The following ST8SIA6 variants were observed in gnomAD, a reference collection of about 807,000 sequenced individuals.
ST8SIA6 encodes alpha-2,8-sialyltransferase 8F.
ST8SIA6 carries 39 observed loss-of-function variants against 33.6 expected under a neutral mutation model. The ratio of observed to expected loss-of-function variants is 1.16; its 90% CI spans 0.90 to 1.52. The LOEUF (loss-of-function observed/expected upper bound fraction) is 1.52, where lower values mean the gene tolerates loss of function less well. Among genes scored for constraint, ST8SIA6 ranks in the 40% most tolerant of loss-of-function variants. ST8SIA6 has a pLI of 0.00. For missense variants in ST8SIA6, 441 were observed against 443.8 expected, an observed-to-expected ratio of 0.99 and a Z score of 0.06; for synonymous variants, 172 against 167.2, an observed-to-expected ratio of 1.03 and a Z score of -0.22.
At position 17,392,911 on chromosome 10, in the gene ST8SIA6, G is replaced by A. The variant is rs558039290; in HGVS notation, c.201-2291C>T. Among the ~76,000 whole-genome samples, 4 of 152,304 alleles carry A rather than the reference G, an allele frequency of 2.6e-5. No individual in the cohort carries two copies. In the South Asian group the frequency reaches 8.3e-4, roughly 32 times the overall value. ...TCTGTGTCAACTTGATTGGGCAAAG[G>A]GGTGCCCAGATAACTGGTAAAACAT... On this transcript the variant is annotated intron_variant, in intron 2 of 7. Coordinates refer to ENST00000377602, the MANE Select transcript of ST8SIA6 (RefSeq NM_001004470.3).
At chr10:17,354,204 G>T (rs1849121835) in intron 4 of ST8SIA6, among the ~76,000 whole-genome samples, 1 of 152,112 alleles carries the variant, frequency 6.6e-6, no homozygotes, top group Non-Finnish European at 1.5e-5. Flanking sequence ...GGGGAAGGAG[G>T]ACTAGAGGGC....
intron 6 of ST8SIA6, among the ~76,000 whole-genome samples, chr10:17,325,271 A>C (rs1271757305): frequency 6.9e-6 from 1 of 144,904 alleles, no homozygotes; most frequent in Non-Finnish European, 1.5e-5. Flanking sequence ...ATACTATACA[A>C]TGTACAATAT....
At chr10:17,355,452 T>C (rs1036739057) in intron 4 of ST8SIA6, among the ~76,000 whole-genome samples, 9 of 152,180 alleles carry the variant, frequency 5.9e-5, no homozygotes, top group Admixed American at 2.6e-4. Flanking sequence ...ATCTATGAGA[T>C]AGGCACTGGA....
In ST8SIA6 at chr10:17,336,854, A is replaced by G. The variant is rs1848515681; in HGVS notation, c.378-5302T>C. 2.6e-5 allele frequency among the ~76,000 whole-genome samples: 4 copies of G among 152,062 alleles called. No homozygotes were observed. In the South Asian group the frequency reaches 8.3e-4, roughly 32 times the overall value. ...GTTGATCCACCCCCCTCGGCCTCCA[A>G]AAGTGCTGGGATTACACGTGTGAGC... On this transcript the variant is annotated intron_variant, in intron 4 of 7. Transcript: ENST00000377602.
At position 17,390,580 on chromosome 10, in the gene ST8SIA6, A is replaced by G. The variant is rs769215016; in HGVS notation, c.241T>C (p.Cys81Arg). 3.1e-6 allele frequency: 5 copies of G among 1,613,916 alleles called. No homozygotes were observed. The African/African-American group carries it at 6.7e-5, about 22-fold the overall frequency. Residue 81 changes from cysteine to arginine, a missense_variant, in exon 3 of 8, where the codon TGC becomes CGC. Coordinates refer to ENST00000377602, the MANE Select transcript of ST8SIA6 (RefSeq NM_001004470.3). Reference protein sequence around the residue: ...NEKSLQLTEKCKNLQYGIESF... With the variant: ...NEKSLQLTEKRKNLQYGIESF... ...TCAATGCCATATTGCAGATTTTTGCATTTCTCCGTCAGTTGGAGCGACTTC... is the reference window on the plus strand; with the variant it reads ...TCAATGCCATATTGCAGATTTTTGCGTTTCTCCGTCAGTTGGAGCGACTTC...
intron 3 of ST8SIA6, among the ~76,000 whole-genome samples, chr10:17,389,680 T>A (rs991866521): frequency 3.3e-5 from 5 of 152,102 alleles, no homozygotes; most frequent in Admixed American, 2.6e-4. Flanking sequence ...GGGGGGTAAA[T>A]CGTTCACCTG....
chr10:17,410,733 A>G (rs1336287372), intron 2 of ST8SIA6: 1 of 152,160 alleles, frequency 6.6e-6, no homozygotes, highest in Non-Finnish European at 1.5e-5. Flanking sequence ...AAGACACTAG[A>G]AAAAAATCAC....
chr10:17,368,319 A>T (rs1251133026), intron 3 of ST8SIA6, among the ~76,000 whole-genome samples: 1 of 139,650 alleles, frequency 7.2e-6, no homozygotes, highest in Admixed American at 7.2e-5. Context: ...AGGCAGGAGA[A>T]TTGCTTGAAC....
chr10:17,360,206 T>C (rs1324484324), intron 3 of ST8SIA6, among the ~76,000 whole-genome samples: 2 of 152,186 alleles, frequency 1.3e-5, no homozygotes, highest in African/African-American at 4.8e-5. Context: ...TATTAATTTC[T>C]AAAGCACAGA....
intron 3 of ST8SIA6, among the ~76,000 whole-genome samples, chr10:17,365,760 A>T (rs957089094): frequency 6.6e-6 from 1 of 152,232 alleles, no homozygotes; most frequent in African/African-American, 2.4e-5. Flanking sequence ...CTTACTAAGT[A>T]CATAGAAGTT....
Position 17,392,267 on chromosome 10 carries a change from C to G in ST8SIA6, c.201-1647G>C, listed in dbSNP as rs564234254. Among the ~76,000 whole-genome samples, 6 of 152,182 alleles carry G rather than the reference C, an allele frequency of 3.9e-5. No homozygotes were observed. The South Asian group carries it at 1.2e-3, about 31-fold the overall frequency. The stretch of plus-strand genomic sequence containing the variant: ...TGGCTCAGAAGAGTAGGTCTCTACT[C>G]ACACTGAGGGGTCAGAGGAGGCCTC... On this transcript the variant is annotated intron_variant, in intron 2 of 7. Coordinates refer to ENST00000377602, the MANE Select transcript of ST8SIA6 (RefSeq NM_001004470.3).
chr10:17,434,919 C>CTGT (rs1852204603), intron 2 of ST8SIA6, among the ~76,000 whole-genome samples: 1 of 152,182 alleles, frequency 6.6e-6, no homozygotes, highest in African/African-American at 2.4e-5. Context: ...TAAGGCTGGG[C>CTGT]ACAGACTCTC....
At position 17,320,762 on chromosome 10, in the gene ST8SIA6, A is replaced by G; in HGVS notation, c.*116T>C. On this transcript the variant is annotated 3_prime_UTR_variant, in exon 8 of 8. Transcript: ENST00000377602. ...AAATGAGTGGGGAAGCTTTGGTCAA[A>G]CCAAATTTTGGGGCTCATCTCAAAA... is the stretch of plus-strand genomic sequence containing the variant. 8.9e-7 allele frequency: 1 copy of G among 1,121,232 alleles called. No individual in the cohort carries two copies. Among genetic ancestry groups the G allele is most frequent in the Non-Finnish European group, 1.3e-6 (1 of 789,430 alleles). 69.5% of individuals were successfully genotyped at this position (1,121,232 alleles called of 1,614,324 possible).
intron 4 of ST8SIA6, among the ~76,000 whole-genome samples, chr10:17,353,561 C>G (rs1390267954): frequency 6.6e-6 from 1 of 152,158 alleles, no homozygotes; most frequent in African/African-American, 2.4e-5. Flanking sequence ...GGAATCTTTT[C>G]TCACATATCC....
Position 17,321,310 on chromosome 10 carries a change from C to A in ST8SIA6, c.765G>T (p.Leu255=). Residue 255 remains leucine (L), a synonymous_variant, in exon 8 of 8, where the codon CTG becomes CTT. Coordinates refer to ENST00000377602, the MANE Select transcript of ST8SIA6 (RefSeq NM_001004470.3). ...CATCTCCATAGGTTGCAATGTCCTC[C>A]AGAAATAGGGCTTTTTTTTCCTTTA... ...GNLKEKKALF[L]EDIATYGDAF... 1 of 1,608,944 alleles carries A rather than the reference C, an allele frequency of 6.2e-7. No individual in the cohort carries two copies. The highest frequency in any genetic ancestry group is 8.5e-7 in the Non-Finnish European group (1 of 1,178,778).
intron 4 of ST8SIA6, among the ~76,000 whole-genome samples, chr10:17,347,686 G>T (rs1848881359): frequency 6.6e-6 from 1 of 152,140 alleles, no homozygotes; most frequent in Non-Finnish European, 1.5e-5. Context: ...AATTGCAAGA[G>T]TGTCCTTTGC....
At chr10:17,449,971 G>A (rs999838279) in intron 2 of ST8SIA6, among the ~76,000 whole-genome samples, 16 of 152,170 alleles carry the variant, frequency 1.1e-4, no homozygotes, top group Non-Finnish European at 2.1e-4. Flanking sequence ...ATAACTAAGA[G>A]TAGGGTCACA....
rs1485863212 is a variant in ST8SIA6 at position 17,347,297 on chromosome 10, A to G, written c.377+12217T>C. On this transcript the variant is annotated intron_variant, in intron 4 of 7. Coordinates refer to ENST00000377602, the MANE Select transcript of ST8SIA6 (RefSeq NM_001004470.3). Reference sequence around the variant, plus strand: ...TAGATTTAAAACATTAGGGTGTGAGACTTTAGCAAAAGTTTGGCGATGGAC... The same window carrying G: ...TAGATTTAAAACATTAGGGTGTGAGGCTTTAGCAAAAGTTTGGCGATGGAC... Among the ~76,000 whole-genome samples the G allele has an allele frequency of 3.9e-5, 6 of 152,166 alleles. No homozygotes were observed. The East Asian group carries it at 1.2e-3, about 29-fold the overall frequency.
chr10:17,388,692 AACT>A (rs1233211082), intron 3 of ST8SIA6, among the ~76,000 whole-genome samples: 3 of 152,208 alleles, frequency 2.0e-5, no homozygotes, highest in African/African-American at 7.2e-5. Flanking sequence ...AATCAGACCT[AACT>A]GACTACATCT....
Sources: gnomAD v4.1 joint callset for allele counts (sites outside exome capture counted in the v4.1 genomes callset) on GRCh38, gnomAD v4.1.1 for gene constraint, MANE v1.5 for transcripts, NCBI Gene and HGNC (gene_info 2026-07-23, HGNC 2026-07-21) for gene names.